SCYL2: variants seen among roughly 807,000 people sequenced by gnomAD.
SCYL2 encodes the protein SCY1-like protein 2.
A neutral mutation model predicts 100.4 loss-of-function variants in SCYL2; 36 were observed. The observed-to-expected ratio is 0.36, with a 90% CI of 0.27 to 0.47. The LOEUF (loss-of-function observed/expected upper bound fraction) is 0.47. Ranked by LOEUF, SCYL2 falls within the 20% of genes least tolerant of loss-of-function variation. SCYL2 has a pLI of 1.00. For missense variants in SCYL2, 902 were observed against 1,083.9 expected, an observed-to-expected ratio of 0.83 and a Z score of 2.36; for synonymous variants, 330 against 359.2, an observed-to-expected ratio of 0.92 and a Z score of 0.92.
chr12:100,272,107 T>C (rs2096288288), intron 1 of SCYL2, among the ~76,000 whole-genome samples: 1 of 152,174 alleles, frequency 6.6e-6, no homozygotes, highest in African/African-American at 2.4e-5. Flanking sequence ...TACACAGTCT[T>C]GGAATCATAC....
At chr12:100,305,499 A>G (rs893183096) in intron 4 of SCYL2, among the ~76,000 whole-genome samples, 3 of 152,228 alleles carry the variant, frequency 2.0e-5, no homozygotes, top group African/African-American at 7.2e-5. Flanking sequence ...GGACACAGCT[A>G]AAGCAGTATG....
At chr12:100,335,312 C>T (rs1397691049) in intron 14 of SCYL2, among the ~76,000 whole-genome samples, 1 of 151,974 alleles carries the variant, frequency 6.6e-6, no homozygotes, top group African/African-American at 2.4e-5. Flanking sequence ...ACATTGAATT[C>T]CCCATATTAT....
intron 2 of SCYL2, among the ~76,000 whole-genome samples, chr12:100,286,569 C>T (rs550000725): frequency 5.9e-5 from 9 of 152,094 alleles, no homozygotes; most frequent in African/African-American, 2.2e-4. Flanking sequence ...TTCATAACAC[C>T]TCCCTGAAAT....
intron 4 of SCYL2, among the ~76,000 whole-genome samples, chr12:100,306,409 A>T (rs995777528): frequency 4.6e-5 from 7 of 152,226 alleles, no homozygotes; most frequent in African/African-American, 1.7e-4. Context: ...AAACCACATG[A>T]TTATATCAAT....
intron 2 of SCYL2, among the ~76,000 whole-genome samples, chr12:100,283,613 T>G (rs907179979): frequency 6.6e-5 from 10 of 152,148 alleles, no homozygotes; most frequent in African/African-American, 2.4e-4. Context: ...CCAAAATCAC[T>G]GTTTTCAAAA....
At chr12:100,330,587 T>C (rs1952196978) in intron 13 of SCYL2, among the ~76,000 whole-genome samples, 1 of 152,002 alleles carries the variant, frequency 6.6e-6, no homozygotes, top group African/African-American at 2.4e-5. Flanking sequence ...AAAGACTGAG[T>C]TGGGTTACTG....
At chr12:100,311,344 C>A in intron 5 of SCYL2, 151 bp downstream of exon 5, 1 of 579,076 alleles carries the variant, frequency 1.7e-6, no homozygotes, top group Non-Finnish European at 2.6e-6. Context: ...TAAGAGTATT[C>A]TTCGGCACAT....
At chr12:100,286,785 T>G (rs2096304914) in intron 2 of SCYL2, among the ~76,000 whole-genome samples, 1 of 151,622 alleles carries the variant, frequency 6.6e-6, no homozygotes, top group Admixed American at 6.6e-5. Context: ...AATTAAATTA[T>G]AATAAATAAT....
intron 1 of SCYL2, among the ~76,000 whole-genome samples, chr12:100,277,095 CAAAG>C (rs1163591743): frequency 6.6e-6 from 1 of 152,054 alleles, no homozygotes; most frequent in Non-Finnish European, 1.5e-5. Context: ...TTATTGTAGT[CAAAG>C]AGAATCGTTT....
rs576757386 is a variant in SCYL2 at position 100,291,370 on chromosome 12, C to A, written c.178-133C>A. ...AGATTTACTATCATAAGGAAACCAA[C>A]TCTTTGATATCAGAAAAGTATTACA... On this transcript the variant is annotated intron_variant, in intron 2 of 17. Coordinates refer to ENST00000360820, the MANE Select transcript of SCYL2 (RefSeq NM_017988.6). The A allele has an allele frequency of 1.0e-5, 6 of 596,330 alleles. No individual in the cohort carries two copies. The East Asian group carries it at 1.9e-4, about 19-fold the overall frequency. 36.9% of individuals were successfully genotyped at this position (596,330 alleles called of 1,614,324 possible). A position where few individuals can be genotyped will look rare whatever the true frequency, so the allele number is the denominator to read the frequency against.
At chr12:100,322,785 G>A (rs966620000) in intron 10 of SCYL2, among the ~76,000 whole-genome samples, 2 of 151,714 alleles carry the variant, frequency 1.3e-5, no homozygotes, top group Middle Eastern at 6.8e-3. Context: ...GCTTGAACCC[G>A]GGAGGCGGAG....
chr12:100,291,608 C>T lies in SCYL2; in HGVS notation c.283C>T (p.Arg95Trp). The change falls in exon 3 of 18, where the codon CGG (arginine) becomes TGG (tryptophan). Residue 95 changes from arginine (R) to tryptophan (W), a missense_variant. Coordinates refer to ENST00000360820, the MANE Select transcript of SCYL2 (RefSeq NM_017988.6). ...AAAACGAGGAGTCCAACAGTTAACTCGGCTTCGACACCCTCGACTTCTTAC... is the reference window on the plus strand; with the variant it reads ...AAAACGAGGAGTCCAACAGTTAACTTGGCTTCGACACCCTCGACTTCTTAC... ...SLKRGVQQLT[R>W]LRHPRLLTVQ... 3 of 1,599,436 alleles carry T rather than the reference C, an allele frequency of 1.9e-6. No individual in the cohort carries two copies. The highest frequency in any genetic ancestry group is 2.6e-6 in the Non-Finnish European group (3 of 1,175,374).
At chr12:100,298,976 T>G (rs1231500553) in intron 4 of SCYL2, among the ~76,000 whole-genome samples, 2 of 152,176 alleles carry the variant, frequency 1.3e-5, no homozygotes, top group South Asian at 4.1e-4. Flanking sequence ...ATGCCTGTAA[T>G]CCCAGCACTT....
chr12:100,287,125 C>T (rs2096305256), intron 2 of SCYL2, among the ~76,000 whole-genome samples: 1 of 152,044 alleles, frequency 6.6e-6, no homozygotes, highest in African/African-American at 2.4e-5. Flanking sequence ...CCTCTGGTGC[C>T]TCTGAGGGTT....
rs1952328975 is a variant in SCYL2 at position 100,339,674 on chromosome 12, G to A, written c.*502G>A. On this transcript the variant is annotated 3_prime_UTR_variant, in exon 18 of 18. Transcript: ENST00000360820. ...GAGAAAATGATAAGCATAAAGAGAA[G>A]TATCAGGTTATTTGCTTTTTCCAAA... 6.5e-6 allele frequency: 1 copy of A among 153,614 alleles called. No homozygotes were observed. The highest frequency in any genetic ancestry group is 1.4e-5 in the Non-Finnish European group (1 of 69,016). The allele number at this position is 153,614 out of a possible 1,614,324, so 9.5% of individuals were successfully genotyped here. A position where few individuals can be genotyped will look rare whatever the true frequency, so the allele number is the denominator to read the frequency against.
chr12:100,335,593 T>C, intron 14 of SCYL2, 32 bp from the exon 15 acceptor site: 1 of 1,479,770 alleles, frequency 6.8e-7, no homozygotes, highest in Non-Finnish European at 9.2e-7. Context: ...CATTTCTTTT[T>C]ATTGTTTTAT....
rs1339342499 is a variant in SCYL2, at chr12:100,317,912, C to T, written c.1382C>T (p.Ser461Phe). 1 of 1,574,772 alleles carries T rather than the reference C, an allele frequency of 6.4e-7. No homozygotes were observed. Residue 461 changes from serine (S) to phenylalanine (F), a missense_variant, in exon 10 of 18, where the codon TCC (serine) becomes TTC (phenylalanine). Ser to Phe is a radical substitution (Grantham distance 155, BLOSUM62 -2). Transcript: ENST00000360820. ...PMVYRALEAP[S>F]IQIQELCLNI... ...GTTTACAGAGCACTAGAAGCTCCTT[C>T]CATTCAGATCCAGGTACAGTATCTG... is the stretch of plus-strand genomic sequence containing the variant.
intron 7 of SCYL2, among the ~76,000 whole-genome samples, chr12:100,314,072 T>G (rs918611135): frequency 6.6e-6 from 1 of 152,042 alleles, no homozygotes; most frequent in African/African-American, 2.4e-5. Flanking sequence ...GTAGAGACAG[T>G]GTTTCACCAT....
At chr12:100,278,881 G>A (rs1275535620) in intron 1 of SCYL2, among the ~76,000 whole-genome samples, 1 of 152,084 alleles carries the variant, frequency 6.6e-6, no homozygotes, top group Non-Finnish European at 1.5e-5. Context: ...GCCTACCTCA[G>A]CCTCCCAAAG....
Sources: gnomAD v4.1 joint callset for allele counts (sites outside exome capture counted in the v4.1 genomes callset) on GRCh38, gnomAD v4.1.1 for gene constraint, MANE v1.5 for transcripts, NCBI Gene and HGNC (gene_info 2026-07-23, HGNC 2026-07-21) for gene names.